MYO3A: variants seen among roughly 807,000 people sequenced by gnomAD.
MYO3A encodes the protein myosin-IIIa.
Under a neutral mutation model 192.7 loss-of-function variants are expected in MYO3A, and 180 were observed. That is an observed-to-expected ratio of 0.93 (90% CI 0.83 to 1.06). The LOEUF is 1.06. MYO3A is among the 50% of genes least tolerant of loss of function. The pLI, the probability that MYO3A is intolerant of heterozygous loss-of-function variation, is 0.00. For synonymous variants in MYO3A, 628 were observed against 645.3 expected (o/e 0.97, Z 0.41); for missense variants, 1,896 against 1,905.0 (o/e 1.00, Z 0.09).
intron 26 of MYO3A, among the ~76,000 whole-genome samples, chr10:26,158,254 A>AT (rs71521668): frequency 0.011 from 1,567 of 141,442 alleles, 27 homozygotes; most frequent in African/African-American, 0.032. Flanking sequence ...GTTTTATTTT[A>AT]TTTTTTTTTT....
Position 26,030,424 on chromosome 10 carries a change from C to A in MYO3A, c.953+3892C>A, listed in dbSNP as rs574626017. 3.4e-4 allele frequency among the ~76,000 whole-genome samples: 51 copies of A among 152,166 alleles called. 2 individuals are homozygous for A. In the South Asian group the frequency reaches 8.3e-3, roughly 25 times the overall value. The stretch of plus-strand genomic sequence containing the variant: ...ATCTTTACCCACAACACTCTCTTGA[C>A]CATGGATCTTAGTTCAAAGGAGGAG... On this transcript the variant is annotated intron_variant, in intron 10 of 34. Coordinates refer to ENST00000642920, the MANE Select transcript of MYO3A (RefSeq NM_017433.5).
intron 29 of MYO3A, 132 bp from the exon 30 acceptor site, chr10:26,173,531 T>C: frequency 1.3e-6 from 1 of 768,524 alleles, no homozygotes; most frequent in South Asian, 1.9e-5. Flanking sequence ...TGTGACTTGA[T>C]ACTTTTTAAT....
intron 20 of MYO3A, among the ~76,000 whole-genome samples, chr10:26,137,393 T>C (rs1839914145): frequency 6.6e-6 from 1 of 152,228 alleles, no homozygotes; most frequent in Non-Finnish European, 1.5e-5. Context: ...AATAACACTT[T>C]CATAATTTCT....
At chr10:26,094,570 G>C (rs1048333046) in intron 15 of MYO3A, among the ~76,000 whole-genome samples, 1 of 152,108 alleles carries the variant, frequency 6.6e-6, no homozygotes, top group South Asian at 2.1e-4. Context: ...GACTACAGGT[G>C]CCTGCCACCA....
At chr10:26,147,259 TA>T (rs1340919425) in intron 22 of MYO3A, among the ~76,000 whole-genome samples, 170 bp from the exon 23 acceptor site, 2 of 152,040 alleles carry the variant, frequency 1.3e-5, no homozygotes, top group Non-Finnish European at 2.9e-5. Context: ...CTTAAGATGA[TA>T]AGGAGCTACC....
chr10:26,023,957 T>C (rs1410765784), intron 8 of MYO3A, 65 bp from the exon 9 acceptor site: 18 of 1,424,938 alleles, frequency 1.3e-5, no homozygotes, highest in South Asian at 2.3e-5. Flanking sequence ...TCTATCTGGC[T>C]CTGCCTCTCA....
At chr10:25,952,837 GTC>G (rs34902460) in intron 3 of MYO3A, among the ~76,000 whole-genome samples, 64,865 of 150,192 alleles carry the variant, frequency 0.43, 15,042 homozygotes, top group East Asian at 0.62. Flanking sequence ...AGCTCTGCTA[GTC>G]TCTGCTTACA....
At chr10:26,036,772 T>C (rs1843063266) in intron 10 of MYO3A, among the ~76,000 whole-genome samples, 1 of 152,228 alleles carries the variant, frequency 6.6e-6, no homozygotes, top group Non-Finnish European at 1.5e-5. Context: ...TGCTGGTTGC[T>C]GAACCTGCTA....
intron 17 of MYO3A, 35 bp downstream of exon 17, chr10:26,096,717 G>A: frequency 7.2e-7 from 1 of 1,396,550 alleles, no homozygotes; most frequent in Non-Finnish European, 1.0e-6. Flanking sequence ...TCTTTAGAAA[G>A]TATCTTTTTA....
At position 26,166,072 on chromosome 10, in the gene MYO3A, A is replaced by G. The variant is rs1385579831; in HGVS notation, c.3005A>G (p.Tyr1002Cys). ...GCCCTTTTTTCCATTCCAAGGTACT[A>G]CCTTCTCTGCTACAAGTCGAGCGAG... ...ILFANFIKRY[Y>C]LLCYKSSEEP... Residue 1002 changes from tyrosine to cysteine, a missense_variant, in exon 27 of 35, where the codon TAC becomes TGC. Transcript: ENST00000642920. 1.9e-6 allele frequency: 3 copies of G among 1,613,844 alleles called. No homozygotes were observed.
intron 4 of MYO3A, among the ~76,000 whole-genome samples, chr10:25,981,409 T>A (rs1439728907): frequency 1.3e-5 from 2 of 151,662 alleles, no homozygotes; most frequent in Non-Finnish European, 2.9e-5. Context: ...AAAAAAAAAA[T>A]TTAGACACAA....
intron 4 of MYO3A, among the ~76,000 whole-genome samples, chr10:25,956,599 C>T (rs1180631011): frequency 1.3e-5 from 2 of 151,390 alleles, no homozygotes; most frequent in African/African-American, 4.9e-5. Flanking sequence ...CTATCTCGAC[C>T]TCCTAAAGTG....
rs200899234 is a variant in MYO3A, at chr10:26,210,147, G to A, written c.4731-1696G>A. 3.7e-5 allele frequency among the ~76,000 whole-genome samples: 5 copies of A among 134,816 alleles called. No homozygotes were observed. The East Asian group carries it at 8.5e-4, about 23-fold the overall frequency. The allele number at this position is 134,816 out of a possible 152,430, so 88.4% of individuals were successfully genotyped here. ...GGAGGGAGGGAGGGAAGGAAGGAAG[G>A]AAGAAAGGAAGGAAGGAAGGGAGGG... is the stretch of plus-strand genomic sequence containing the variant. On this transcript the variant is annotated intron_variant, in intron 34 of 34. Coordinates refer to ENST00000642920, the MANE Select transcript of MYO3A (RefSeq NM_017433.5).
At chr10:26,075,763 C>A (rs1185857902) in intron 14 of MYO3A, among the ~76,000 whole-genome samples, 2 of 143,512 alleles carry the variant, frequency 1.4e-5, no homozygotes, top group South Asian at 4.4e-4. Flanking sequence ...ATATATATGT[C>A]TCTCTCATAT....
rs576657940 is a variant in MYO3A, at chr10:26,039,101, C to G, written c.953+12569C>G. Among the ~76,000 whole-genome samples, 14 of 151,646 alleles carry G rather than the reference C, an allele frequency of 9.2e-5. No individual in the cohort carries two copies. The Middle Eastern group carries it at 0.014, about 149-fold the overall frequency. Reference sequence around the variant, plus strand: ...TGTTGCCCAGGCTGGAGTGCAATGGCGTGATCTCGGCTCACCACAACCTCC... The same window carrying G: ...TGTTGCCCAGGCTGGAGTGCAATGGGGTGATCTCGGCTCACCACAACCTCC... On this transcript the variant is annotated intron_variant, in intron 10 of 34. Coordinates refer to ENST00000642920, the MANE Select transcript of MYO3A (RefSeq NM_017433.5).
At chr10:26,003,072 GTC>G (rs1840953062) in intron 6 of MYO3A, among the ~76,000 whole-genome samples, 1 of 152,138 alleles carries the variant, frequency 6.6e-6, no homozygotes, top group African/African-American at 2.4e-5. Flanking sequence ...CAATGAGAAA[GTC>G]ACACAGAATC....
chr10:26,130,146 C>T (rs1839447953), intron 20 of MYO3A, among the ~76,000 whole-genome samples: 1 of 151,932 alleles, frequency 6.6e-6, no homozygotes, highest in South Asian at 2.1e-4. Context: ...ACTCTGTCAC[C>T]CAGGCTGTAG....
intron 31 of MYO3A, among the ~76,000 whole-genome samples, chr10:26,188,803 A>T (rs1842984618): frequency 6.6e-6 from 1 of 152,114 alleles, no homozygotes; most frequent in African/African-American, 2.4e-5. Context: ...GTTGTAGATA[A>T]GTGGCATTAT....
intron 14 of MYO3A, among the ~76,000 whole-genome samples, chr10:26,074,677 C>T (rs1835420102): frequency 6.7e-6 from 1 of 149,594 alleles, no homozygotes; most frequent in Admixed American, 6.7e-5. Flanking sequence ...ATACTTTTTC[C>T]TAATCCACAG....
Sources: gnomAD v4.1 joint callset for allele counts (sites outside exome capture counted in the v4.1 genomes callset) on GRCh38, gnomAD v4.1.1 for gene constraint, MANE v1.5 for transcripts, NCBI Gene and HGNC (gene_info 2026-07-23, HGNC 2026-07-21) for gene names.